The following CPXM2 variants were observed in gnomAD, a reference collection of about 807,000 sequenced individuals.
CPXM2 encodes the protein inactive carboxypeptidase-like protein X2.
A neutral mutation model predicts 86.1 loss-of-function variants in CPXM2; 66 were observed. That is an observed-to-expected ratio of 0.77 (90% CI 0.63 to 0.94). The LOEUF (loss-of-function observed/expected upper bound fraction) is 0.94, where lower values mean the gene tolerates loss of function less well. Ranked by LOEUF, CPXM2 falls within the 40% of genes least tolerant of loss-of-function variation. The probability of loss-of-function intolerance (pLI) is 0.00; values close to 1 mark genes in which losing one functional copy is unlikely to be tolerated. For synonymous variants in CPXM2, 388 were observed against 400.2 expected, an observed-to-expected ratio of 0.97 and a Z score of 0.36; for missense variants, 948 against 1,026.3, an observed-to-expected ratio of 0.92 and a Z score of 1.04.
At chr10:123,855,874 C>T (rs1848711970) in intron 3 of CPXM2, among the ~76,000 whole-genome samples, 1 of 152,106 alleles carries the variant, frequency 6.6e-6, no homozygotes, top group Admixed American at 6.6e-5. Context: ...GGGGAAATGG[C>T]TCTGACAGAC....
intron 4 of CPXM2, among the ~76,000 whole-genome samples, chr10:123,841,592 G>C (rs1848387290): frequency 6.6e-6 from 1 of 152,220 alleles, no homozygotes; most frequent in East Asian, 1.9e-4. Context: ...CATCATGGAA[G>C]TGGAATCATG....
chr10:123,746,432 A>T lies in CPXM2; in HGVS notation c.*332T>A. Reference sequence around the variant, plus strand: ...GCCACGCAAACAGGGGAAGCACCAGAATCCTTTTCTATGCAGCCAGAGGCT... The same window carrying T: ...GCCACGCAAACAGGGGAAGCACCAGTATCCTTTTCTATGCAGCCAGAGGCT... On this transcript the variant is annotated 3_prime_UTR_variant, in exon 14 of 14. Coordinates refer to ENST00000241305, the MANE Select transcript of CPXM2 (RefSeq NM_198148.3). 3.1e-6 allele frequency: 1 copy of T among 318,100 alleles called. No homozygotes were observed. The highest frequency in any genetic ancestry group is 5.8e-6 in the Non-Finnish European group (1 of 173,426). The allele number at this position is 318,100 out of a possible 1,614,324, so 19.7% of individuals were successfully genotyped here.
At chr10:123,857,624 CGGCGTGGAGATGGAAGGCGGCGTGGAGAT>C (rs1564800636) in intron 3 of CPXM2, among the ~76,000 whole-genome samples, 60 of 112,048 alleles carry the variant, frequency 5.4e-4, no homozygotes, top group South Asian at 2.0e-3. Flanking sequence ...AGATGGAAGG[CGGCGTGGAGATGGAAGGCGGCGTGGAGAT>C]GGAAGGCGGC....
At position 123,761,985 on chromosome 10, in the gene CPXM2, T is replaced by C. The variant is rs770868672; in HGVS notation, c.1664A>G (p.Tyr555Cys). The C allele has an allele frequency of 1.1e-5, 18 of 1,613,562 alleles. No individual in the cohort carries two copies. In the South Asian group the frequency reaches 2.0e-4, roughly 18 times the overall value. The change falls in exon 11 of 14, where the codon TAT (tyrosine) becomes TGT (cysteine). Residue 555 changes from tyrosine to cysteine, a missense_variant. Coordinates refer to ENST00000241305, the MANE Select transcript of CPXM2 (RefSeq NM_198148.3). Reference protein sequence around the residue: ...DHVFRWLAYSYASTHRLMTDA... With the variant: ...DHVFRWLAYSCASTHRLMTDA... ...TGTCATGAGGCGGTGTGTGGAGGCA[T>C]AGGAGTAGGCCAGCCAGCGGAACAC...
intron 3 of CPXM2, among the ~76,000 whole-genome samples, chr10:123,848,486 A>G (rs1347287897): frequency 6.6e-6 from 1 of 152,252 alleles, no homozygotes; most frequent in Non-Finnish European, 1.5e-5. Context: ...AAAATTAAAA[A>G]TATTTAAAAA....
intron 7 of CPXM2, among the ~76,000 whole-genome samples, chr10:123,775,348 T>C (rs569994427): frequency 2.6e-5 from 4 of 152,334 alleles, no homozygotes; most frequent in South Asian, 2.1e-4. Context: ...CTGTCTTACA[T>C]TGGGATCAGT....
intron 4 of CPXM2, among the ~76,000 whole-genome samples, chr10:123,817,358 T>A (rs1055372318): frequency 8.5e-5 from 13 of 152,150 alleles, no homozygotes; most frequent in Admixed American, 6.5e-5. Context: ...CCCTCATAAG[T>A]AAATCACAGC....
intron 4 of CPXM2, among the ~76,000 whole-genome samples, chr10:123,828,900 T>C (rs1424487533): frequency 6.6e-6 from 1 of 152,202 alleles, no homozygotes; most frequent in Non-Finnish European, 1.5e-5. Flanking sequence ...CTCTGCAAAG[T>C]TGATGTGAAG....
At chr10:123,873,825 T>A (rs1944932642) in intron 2 of CPXM2, among the ~76,000 whole-genome samples, 1 of 151,846 alleles carries the variant, frequency 6.6e-6, no homozygotes, top group Non-Finnish European at 1.5e-5. Context: ...TGTACCAGAT[T>A]ATAAACAACA....
chr10:123,781,772 C>G (rs1846939985), intron 6 of CPXM2, among the ~76,000 whole-genome samples: 1 of 152,170 alleles, frequency 6.6e-6, no homozygotes. Flanking sequence ...CAACAGGATC[C>G]CAGCTGGCTC....
chr10:123,863,550 C>T (rs1229873408), intron 2 of CPXM2, among the ~76,000 whole-genome samples: 1 of 152,240 alleles, frequency 6.6e-6, no homozygotes, highest in Non-Finnish European at 1.5e-5. Flanking sequence ...GGACATGAAT[C>T]TGACCCATGT....
intron 9 of CPXM2, among the ~76,000 whole-genome samples, 190 bp from the exon 10 acceptor site, chr10:123,767,342 T>C (rs1846502850): frequency 6.6e-6 from 1 of 152,204 alleles, no homozygotes; most frequent in African/African-American, 2.4e-5. Context: ...GGGTGATAGA[T>C]AGTTCAGCCA....
chr10:123,875,311 G>A (rs1200496639), intron 2 of CPXM2, among the ~76,000 whole-genome samples: 2 of 152,198 alleles, frequency 1.3e-5, no homozygotes, highest in Admixed American at 6.5e-5. Context: ...TGGTTTCCCA[G>A]TGCCCACATT....
chr10:123,846,126 G>T (rs1198624035), intron 3 of CPXM2, among the ~76,000 whole-genome samples: 1 of 152,132 alleles, frequency 6.6e-6, no homozygotes, highest in Non-Finnish European at 1.5e-5. Context: ...CCACCATCTG[G>T]GGGTGGGGGA....
intron 2 of CPXM2, among the ~76,000 whole-genome samples, chr10:123,920,222 A>G (rs1332073306): frequency 6.6e-6 from 1 of 152,258 alleles, no homozygotes; most frequent in Non-Finnish European, 1.5e-5. Context: ...CAGGGAAACC[A>G]AAAGATTATT....
intron 4 of CPXM2, among the ~76,000 whole-genome samples, chr10:123,814,032 T>C (rs1474613214): frequency 1.3e-5 from 2 of 152,198 alleles, no homozygotes; most frequent in African/African-American, 4.8e-5. Flanking sequence ...AGACACCTGA[T>C]CCAATACATT....
At chr10:123,798,217 A>G in intron 5 of CPXM2, 91 bp from the exon 6 acceptor site, 1 of 1,026,452 alleles carries the variant, frequency 9.7e-7, no homozygotes, top group Non-Finnish European at 1.4e-6. Flanking sequence ...ACAAGACTTT[A>G]TTGAGGAAAA....
At position 123,798,102 on chromosome 10, in the gene CPXM2, CCTT is replaced by C. The variant is rs1382526826; in HGVS notation, c.760_762del (p.Lys254del). 2 of 1,608,158 alleles carry C rather than the reference CCTT, an allele frequency of 1.2e-6. No individual in the cohort carries two copies. Among genetic ancestry groups the C allele is most frequent in the East Asian group, 2.2e-5 (1 of 44,502 alleles). Reference sequence around the variant, plus strand: ...GGTAGCTCATTGAGAACAGGGATCTCCTTCTCACTGTTTCCCTCAAATATCTAT... The same window carrying C: ...GGTAGCTCATTGAGAACAGGGATCTCCTCACTGTTTCCCTCAAATATCTAT... On this transcript the variant is annotated inframe_deletion, in exon 6 of 14. Transcript: ENST00000241305.
intron 2 of CPXM2, among the ~76,000 whole-genome samples, chr10:123,936,623 G>A (rs1398966692): frequency 2.0e-5 from 3 of 152,204 alleles, no homozygotes; most frequent in Admixed American, 1.3e-4. Flanking sequence ...GGTCTTGACC[G>A]AATGTCTTTT....
Sources: allele counts gnomAD v4.1 joint callset (sites outside exome capture counted in the v4.1 genomes callset), GRCh38; gene constraint gnomAD v4.1.1; transcripts MANE v1.5; gene names NCBI Gene and HGNC (gene_info 2026-07-23, HGNC 2026-07-21).